The following FAM149A variants were observed in gnomAD, a reference collection of about 807,000 sequenced individuals.
The protein encoded by FAM149A is family with sequence similarity 149 member A.
FAM149A carries 71 observed loss-of-function variants against 78.2 expected under a neutral mutation model. The ratio of observed to expected loss-of-function variants is 0.91; its 90% CI spans 0.75 to 1.11. FAM149A has a LOEUF of 1.11. Among genes scored for constraint, FAM149A ranks in the 50% least tolerant of loss-of-function variants. The pLI, the probability that FAM149A is intolerant of heterozygous loss-of-function variation, is 0.00. For missense variants in FAM149A, 1,036 were observed against 971.0 expected (o/e 1.07, Z -0.89); for synonymous variants, 446 against 410.5 (o/e 1.09, Z -1.04).
chr4:186,127,355 C>T, intron 1 of FAM149A: 1 of 985,446 alleles, frequency 1.0e-6, no homozygotes, highest in Non-Finnish European at 1.2e-6. Context: ...TCCTTCCAGT[C>T]TACCTGGATT....
chr4:186,161,160 G>T (rs1734577716), intron 8 of FAM149A, among the ~76,000 whole-genome samples: 1 of 152,042 alleles, frequency 6.6e-6, no homozygotes, highest in African/African-American at 2.4e-5. Context: ...ATGTGTTTTG[G>T]ATCATAAGTC....
At chr4:186,161,383 A>G (rs1044277522) in intron 8 of FAM149A, among the ~76,000 whole-genome samples, 1 of 152,194 alleles carries the variant, frequency 6.6e-6, no homozygotes, top group Non-Finnish European at 1.5e-5. Context: ...TTCGGGGAGC[A>G]GTGGGGAGAA....
At chr4:186,109,063 G>A in intron 1 of FAM149A, 1 of 256,728 alleles carries the variant, frequency 3.9e-6, no homozygotes, top group South Asian at 1.5e-4. Context: ...TAGCCAGGAT[G>A]GTCTCGATCT....
chr4:186,107,886 CACG>C (rs1248429060), intron 1 of FAM149A, among the ~76,000 whole-genome samples: 2 of 152,170 alleles, frequency 1.3e-5, no homozygotes, highest in East Asian at 3.8e-4. Flanking sequence ...CTTTCAGATC[CACG>C]ACTACTCACA....
Position 186,163,360 on chromosome 4 carries a change from G to A in FAM149A, c.1680-64G>A. 3.0e-6 allele frequency: 4 copies of A among 1,331,508 alleles called. No individual in the cohort carries two copies. The South Asian group carries it at 3.5e-5, about 12-fold the overall frequency. 82.5% of individuals were successfully genotyped at this position (1,331,508 alleles called of 1,614,324 possible). ...TCTAGGCAGTGCTCAACTAAGCACA[G>A]ACAGGTGCGTTCCCTGTTATCACAG... is the stretch of plus-strand genomic sequence containing the variant. On this transcript the variant is annotated intron_variant, in intron 9 of 13. Transcript: ENST00000389354.
intron 1 of FAM149A, among the ~76,000 whole-genome samples, chr4:186,136,527 A>G (rs1201844076): frequency 6.6e-6 from 1 of 152,142 alleles, no homozygotes; most frequent in East Asian, 1.9e-4. Flanking sequence ...GAACTTAGGT[A>G]TTTCATTTTG....
rs1270864315 is a variant in FAM149A, at chr4:186,173,222, G to C, written c.*1235G>C. 1.8e-5 allele frequency among the ~76,000 whole-genome samples: 2 copies of C among 112,730 alleles called. 1 individual carries two copies. Among genetic ancestry groups the C allele is most frequent in the Non-Finnish European group, 4.5e-5 (2 of 44,578 alleles). 74.0% of individuals were successfully genotyped at this position (112,730 alleles called of 152,430 possible). On this transcript the variant is annotated 3_prime_UTR_variant, in exon 14 of 14. Transcript: ENST00000389354. The stretch of plus-strand genomic sequence containing the variant: ...GAGAAGGGATCATTGCCTACTAGTA[G>C]ATGTCTGAAATTTTAAAAGATGTGT...
Position 186,122,439 on chromosome 4 carries a change from A to G in FAM149A, c.566+16797A>G, listed in dbSNP as rs557522371. ...TTAAGAAACTGTCATTGATTTCCTT[A>G]GATATGATAACAGTTTGAGGATTAT... On this transcript the variant is annotated intron_variant, in intron 1 of 13. Transcript: ENST00000389354. 5.9e-5 allele frequency among the ~76,000 whole-genome samples: 9 copies of G among 152,334 alleles called. No homozygotes were observed. The South Asian group carries it at 1.9e-3, about 32-fold the overall frequency.
chr4:186,149,488 G>T (rs1030499541), intron 2 of FAM149A, 78 bp from the exon 3 acceptor site: 4 of 1,242,310 alleles, frequency 3.2e-6, no homozygotes, highest in African/African-American at 1.6e-5. Context: ...GAGGAAGCAG[G>T]CTCAGAAAAG....
intron 4 of FAM149A, 162 bp from the exon 5 acceptor site, chr4:186,153,483 A>G: frequency 1.0e-6 from 1 of 985,118 alleles, no homozygotes. Flanking sequence ...TCTGGCCTAA[A>G]CTCTCAAAGT....
intron 1 of FAM149A, among the ~76,000 whole-genome samples, chr4:186,145,318 T>C (rs1464698052): frequency 6.6e-6 from 1 of 152,004 alleles, no homozygotes; most frequent in Non-Finnish European, 1.5e-5. Flanking sequence ...TCCTGGGACT[T>C]GCTGGTGTTG....
At chr4:186,117,713 G>A in intron 1 of FAM149A, 6 of 959,886 alleles carry the variant, frequency 6.3e-6, no homozygotes, top group Non-Finnish European at 7.4e-6. Flanking sequence ...CACTGGAAAA[G>A]CCAGGATTTA....
chr4:186,111,899 G>A (rs1212702520), intron 1 of FAM149A, among the ~76,000 whole-genome samples: 2 of 151,758 alleles, frequency 1.3e-5, no homozygotes, highest in African/African-American at 4.9e-5. Flanking sequence ...GCTTCCATAT[G>A]AACTTTAAAG....
chr4:186,145,334 GGGC>G lies in FAM149A; in HGVS notation c.567-3836_567-3834del, dbSNP rs564020435. ...CCTGGGACTTGCTGGTGTTGGGTCA[GGGC>G]GGTGTGAGTGTTCCGTGCTGAGGAG... On this transcript the variant is annotated intron_variant, in intron 1 of 13. Coordinates refer to ENST00000389354, the MANE Select transcript of FAM149A (RefSeq NM_001367768.3). Among the ~76,000 whole-genome samples, 36 of 152,288 alleles carry G rather than the reference GGGC, an allele frequency of 2.4e-4. No homozygotes were observed. The East Asian group carries it at 5.6e-3, about 24-fold the overall frequency.
At chr4:186,150,454 C>CT (rs1442212575) in intron 3 of FAM149A, among the ~76,000 whole-genome samples, 16 of 106,444 alleles carry the variant, frequency 1.5e-4, no homozygotes, top group Non-Finnish European at 2.7e-4. Flanking sequence ...GAGTCTCGCT[C>CT]TGTCGCCCAG....
At chr4:186,151,274 T>C (rs1733561351) in intron 3 of FAM149A, among the ~76,000 whole-genome samples, 1 of 152,190 alleles carries the variant, frequency 6.6e-6, no homozygotes, top group Non-Finnish European at 1.5e-5. Flanking sequence ...CACCACTGCT[T>C]TACTCTGTCC....
At chr4:186,142,358 T>C (rs565033685) in intron 1 of FAM149A, among the ~76,000 whole-genome samples, 14 of 152,270 alleles carry the variant, frequency 9.2e-5, no homozygotes, top group Non-Finnish European at 2.1e-4. Context: ...GCCTCATCTG[T>C]ACGCGGACAT....
rs577991993 is a variant in FAM149A, at chr4:186,127,868, A to T, written c.567-21305A>T. ...TCCCAGCTAATTTTTTTGTATTTTT[A>T]GTAGAGACAGGGTTTCACCATGTTG... On this transcript the variant is annotated intron_variant, in intron 1 of 13. Transcript: ENST00000389354. 2.2e-4 allele frequency among the ~76,000 whole-genome samples: 33 copies of T among 149,982 alleles called. 1 individual carries two copies. The South Asian group carries it at 6.8e-3, about 31-fold the overall frequency.
Position 186,105,290 on chromosome 4 carries a change from C to T in FAM149A, c.214C>T (p.Pro72Ser), listed in dbSNP as rs1216054669. 4 of 1,191,084 alleles carry T rather than the reference C, an allele frequency of 3.4e-6. No homozygotes were observed. The highest frequency in any genetic ancestry group is 4.2e-6 in the Non-Finnish European group (4 of 949,218). The allele number at this position is 1,191,084 out of a possible 1,614,324, so 73.8% of individuals were successfully genotyped here. A position where few individuals can be genotyped will look rare whatever the true frequency, so the allele number is the denominator to read the frequency against. The change falls in exon 1 of 14, where the codon CCG becomes TCG. Residue 72 changes from proline (P) to serine (S), a missense_variant. Transcript: ENST00000389354. ...CTCCGCCTCGCGGCGGTCGCCCGCC[C>T]CGCTGCTCTCCTCCCCCTACTCCCG...
Sources: allele counts gnomAD v4.1 joint callset (sites outside exome capture counted in the v4.1 genomes callset), GRCh38; gene constraint gnomAD v4.1.1; transcripts MANE v1.5; gene names NCBI Gene and HGNC (gene_info 2026-07-23, HGNC 2026-07-21).